NCALD: variants seen among roughly 807,000 people sequenced by gnomAD.
The protein encoded by NCALD is neurocalcin-delta.
Under a neutral mutation model 18.6 loss-of-function variants are expected in NCALD, and 10 were observed. The observed-to-expected ratio is 0.54, with a 90% CI of 0.33 to 0.91. NCALD has a LOEUF of 0.91. NCALD is among the 40% of genes least tolerant of loss of function. NCALD has a pLI of 0.03. For missense variants in NCALD, 184 were observed against 247.6 expected (o/e 0.74, Z 1.72); for synonymous variants, 88 against 87.4 (o/e 1.01, Z -0.04).
intron 2 of NCALD, among the ~76,000 whole-genome samples, chr8:101,997,213 T>A (rs754195303): frequency 6.6e-6 from 1 of 152,216 alleles, no homozygotes; most frequent in Non-Finnish European, 1.5e-5. Context: ...TTGACCACTT[T>A]TTGACGTTTT....
At chr8:101,984,274 G>C (rs971703282) in intron 2 of NCALD, among the ~76,000 whole-genome samples, 3 of 152,180 alleles carry the variant, frequency 2.0e-5, no homozygotes, top group Admixed American at 2.0e-4. Flanking sequence ...AATGGAAAGA[G>C]CTCCTGCTTT....
At chr8:102,044,777 T>C (rs774315010) in intron 1 of NCALD, among the ~76,000 whole-genome samples, 2 of 152,200 alleles carry the variant, frequency 1.3e-5, no homozygotes, top group Non-Finnish European at 1.5e-5. Context: ...GTTAAGAGCA[T>C]AGCTCAGGAG....
intron 2 of NCALD, among the ~76,000 whole-genome samples, chr8:101,949,461 C>T (rs987109774): frequency 6.6e-6 from 1 of 152,068 alleles, no homozygotes; most frequent in African/African-American, 2.4e-5. Flanking sequence ...AGAACTCCTG[C>T]TATGCTAGCA....
chr8:101,942,218 TGAG>T (rs896215894), intron 2 of NCALD, among the ~76,000 whole-genome samples: 6 of 152,134 alleles, frequency 3.9e-5, no homozygotes, highest in African/African-American at 1.4e-4. Context: ...TATGAGACAA[TGAG>T]GAGAGGCAGA....
intron 4 of NCALD, among the ~76,000 whole-genome samples, chr8:101,844,588 T>C (rs1406920634): frequency 6.6e-6 from 1 of 152,136 alleles, no homozygotes. Context: ...CTCAAACTGC[T>C]GGCCTCAAGT....
chr8:101,994,620 G>A (rs372413015), intron 2 of NCALD, among the ~76,000 whole-genome samples: 1 of 152,246 alleles, frequency 6.6e-6, no homozygotes, highest in African/African-American at 2.4e-5. Flanking sequence ...GCAGGGCAAG[G>A]TTGCCATGTG....
At chr8:102,024,123 A>T (rs1405496337) in intron 1 of NCALD, among the ~76,000 whole-genome samples, 1 of 152,198 alleles carries the variant, frequency 6.6e-6, no homozygotes, top group African/African-American at 2.4e-5. Context: ...TGCGTAACTG[A>T]ATGGGAAAAA....
chr8:101,733,096 G>A (rs1231616345), intron 1 of NCALD, among the ~76,000 whole-genome samples: 23 of 152,142 alleles, frequency 1.5e-4, no homozygotes, highest in Admixed American at 1.2e-3. Context: ...CCATGTCTCT[G>A]GCTGGATCAC....
At chr8:101,703,102 C>A (rs1815344554) in intron 2 of NCALD, among the ~76,000 whole-genome samples, 1 of 151,926 alleles carries the variant, frequency 6.6e-6, no homozygotes, top group African/African-American at 2.4e-5. Flanking sequence ...TGTGCCAGGA[C>A]TGACTCTTAT....
chr8:101,927,151 C>T (rs1432180722), intron 2 of NCALD, among the ~76,000 whole-genome samples: 1 of 152,160 alleles, frequency 6.6e-6, no homozygotes, highest in Non-Finnish European at 1.5e-5. Flanking sequence ...TCCTCCATCA[C>T]CCACCCTCAC....
At chr8:101,960,280 C>CTA (rs2131847719) in intron 2 of NCALD, among the ~76,000 whole-genome samples, 1 of 152,206 alleles carries the variant, frequency 6.6e-6, no homozygotes, top group Admixed American at 6.5e-5. Flanking sequence ...GAAGTAGCTG[C>CTA]TAGAGGACTT....
At chr8:101,995,827 C>T (rs185607621) in intron 2 of NCALD, among the ~76,000 whole-genome samples, 57 of 152,320 alleles carry the variant, frequency 3.7e-4, no homozygotes, top group Admixed American at 3.6e-3. Flanking sequence ...GTCACGTGTC[C>T]TCAAGATAAG....
chr8:101,943,838 G>A (rs185074527), intron 2 of NCALD, among the ~76,000 whole-genome samples: 112 of 152,248 alleles, frequency 7.4e-4, no homozygotes, highest in Non-Finnish European at 1.2e-3. Context: ...TTACTCGGGA[G>A]GCTGAGGCAG....
At chr8:101,950,203 A>T (rs1161572879) in intron 2 of NCALD, 8 of 152,410 alleles carry the variant, frequency 5.2e-5, no homozygotes, top group Non-Finnish European at 1.0e-4. Context: ...GACAACAGTA[A>T]TGAAATTTTG....
intron 4 of NCALD, among the ~76,000 whole-genome samples, chr8:101,839,425 G>A (rs1232820698): frequency 6.6e-6 from 1 of 152,140 alleles, no homozygotes; most frequent in Non-Finnish European, 1.5e-5. Context: ...GTCATACTAA[G>A]AGGTTTGGCT....
chr8:101,826,709 T>G (rs1003273807), intron 4 of NCALD, among the ~76,000 whole-genome samples: 2 of 152,220 alleles, frequency 1.3e-5, no homozygotes, highest in Non-Finnish European at 2.9e-5. Context: ...TATTTGCTAT[T>G]TATAAAAATG....
intron 1 of NCALD, among the ~76,000 whole-genome samples, chr8:102,035,346 C>A (rs970199207): frequency 6.6e-6 from 1 of 152,148 alleles, no homozygotes; most frequent in African/African-American, 2.4e-5. Context: ...CAGAACAGAA[C>A]ACATTCCCTC....
At chr8:101,742,029 G>C (rs1810217785) in intron 1 of NCALD, among the ~76,000 whole-genome samples, 1 of 151,368 alleles carries the variant, frequency 6.6e-6, no homozygotes, top group Admixed American at 6.6e-5. Flanking sequence ...TGAGGTGGGA[G>C]GATCACGAGG....
intron 2 of NCALD, among the ~76,000 whole-genome samples, chr8:102,016,006 T>C (rs181779551): frequency 2.0e-4 from 30 of 152,246 alleles, no homozygotes; most frequent in Non-Finnish European, 2.6e-4. Context: ...AGAAACTCCA[T>C]CTACCTCCCA....
Sources: gnomAD v4.1 joint callset for allele counts (sites outside exome capture counted in the v4.1 genomes callset) on GRCh38, gnomAD v4.1.1 for gene constraint, MANE v1.5 for transcripts, NCBI Gene and HGNC (gene_info 2026-07-23, HGNC 2026-07-21) for gene names.